Variants in GRM7 observed in about 807,000 individuals in gnomAD.
GRM7 encodes the protein glutamate metabotropic receptor 7, also known as metabotropic glutamate receptor 7.
A neutral mutation model predicts 84.5 loss-of-function variants in GRM7; 35 were observed. The ratio of observed to expected loss-of-function variants is 0.41; its 90% CI spans 0.32 to 0.55. The LOEUF (loss-of-function observed/expected upper bound fraction) is 0.55, where lower values mean the gene tolerates loss of function less well. Among genes scored for constraint, GRM7 ranks in the 20% least tolerant of loss-of-function variants. The probability of loss-of-function intolerance (pLI) is 0.19; values close to 1 mark genes in which losing one functional copy is unlikely to be tolerated. For missense variants in GRM7, 1,003 were observed against 1,194.6 expected (o/e 0.84, Z 2.36); for synonymous variants, 487 against 455.1 (o/e 1.07, Z -0.89).
chr3:6,932,800 G>A (rs1320190940), intron 1 of GRM7, among the ~76,000 whole-genome samples: 5 of 143,338 alleles, frequency 3.5e-5, no homozygotes, highest in Admixed American at 7.3e-5. Flanking sequence ...TGTCAGCCAG[G>A]CTGGAGTGCA....
chr3:6,878,420 A>AT (rs1410708191), intron 1 of GRM7, among the ~76,000 whole-genome samples: 3 of 108,836 alleles, frequency 2.8e-5, no homozygotes, highest in Admixed American at 1.8e-4. Context: ...TGTGTGTAGT[A>AT]TTTTTTCTTC....
intron 1 of GRM7, among the ~76,000 whole-genome samples, chr3:6,984,904 C>T (rs921022150): frequency 2.0e-5 from 3 of 152,146 alleles, no homozygotes; most frequent in Non-Finnish European, 2.9e-5. Flanking sequence ...GTGGGATATG[C>T]GTGTGCCAAA....
intron 5 of GRM7, among the ~76,000 whole-genome samples, chr3:7,416,723 A>G (rs1696175594): frequency 1.3e-5 from 2 of 152,180 alleles, no homozygotes; most frequent in Non-Finnish European, 2.9e-5. Context: ...ATCATGCTAT[A>G]TAACAATAGT....
At chr3:7,712,560 A>G (rs1701618217) in intron 9 of GRM7, among the ~76,000 whole-genome samples, 1 of 152,116 alleles carries the variant, frequency 6.6e-6, no homozygotes, top group Non-Finnish European at 1.5e-5. Flanking sequence ...TCACTTAATA[A>G]CAGGCCCCAC....
At chr3:7,507,850 A>C (rs1700083317) in intron 7 of GRM7, among the ~76,000 whole-genome samples, 1 of 152,116 alleles carries the variant, frequency 6.6e-6, no homozygotes, top group Non-Finnish European at 1.5e-5. Context: ...TTATGCCTTA[A>C]TGTGGTCTGA....
intron 4 of GRM7, among the ~76,000 whole-genome samples, chr3:7,345,430 C>T (rs551419190): frequency 9.5e-4 from 145 of 152,124 alleles, no homozygotes; most frequent in African/African-American, 3.3e-3. Flanking sequence ...CAGGCACCCG[C>T]CACCATGCCT....
At chr3:7,139,120 TTATAC>T (rs1191990717) in intron 1 of GRM7, among the ~76,000 whole-genome samples, 4 of 147,820 alleles carry the variant, frequency 2.7e-5, no homozygotes, top group African/African-American at 9.8e-5. Flanking sequence ...ATACTATATA[TTATAC>T]TATATAGATA....
At chr3:7,228,822 T>C (rs1253430267) in intron 2 of GRM7, among the ~76,000 whole-genome samples, 1 of 152,228 alleles carries the variant, frequency 6.6e-6, no homozygotes, top group Non-Finnish European at 1.5e-5. Context: ...TAAAATTGGT[T>C]CCTATATTTT....
intron 9 of GRM7, among the ~76,000 whole-genome samples, chr3:7,703,153 G>A (rs549418085): frequency 6.6e-6 from 1 of 152,210 alleles, no homozygotes; most frequent in South Asian, 2.1e-4. Context: ...GAACTGAGAA[G>A]CATTGCTGCA....
chr3:7,644,142 A>G lies in GRM7; in HGVS notation c.2452-35907A>G, dbSNP rs564037735. On this transcript the variant is annotated intron_variant, in intron 8 of 9. Transcript: ENST00000357716. Reference sequence around the variant, plus strand: ...ATGTTGTGTGTGTGTGTGTGTATATATATGTCTGTACGTATATATATATAT... The same window carrying G: ...ATGTTGTGTGTGTGTGTGTGTATATGTATGTCTGTACGTATATATATATAT... 2.7e-4 allele frequency among the ~76,000 whole-genome samples: 35 copies of G among 128,040 alleles called. 2 individuals carry two copies. In the South Asian group the frequency reaches 8.7e-3, roughly 32 times the overall value. The allele number at this position is 128,040 out of a possible 152,430, so 84.0% of individuals were successfully genotyped here.
At chr3:7,376,355 C>T (rs961739778) in intron 4 of GRM7, among the ~76,000 whole-genome samples, 8 of 152,120 alleles carry the variant, frequency 5.3e-5, no homozygotes, top group African/African-American at 1.9e-4. Context: ...ATCCTCACAC[C>T]GAGCTGTTCT....
At position 7,064,611 on chromosome 3, in the gene GRM7, G is replaced by A. The variant is rs900221852; in HGVS notation, c.520-81841G>A. ...CTCTCATTGATTGATGGGCATTTGC[G>A]TTGGTTCCAAGATTTTGCAATTGTG... On this transcript the variant is annotated intron_variant, in intron 1 of 9. Coordinates refer to ENST00000357716, the MANE Select transcript of GRM7 (RefSeq NM_000844.4). 6.7e-5 allele frequency among the ~76,000 whole-genome samples: 10 copies of A among 150,036 alleles called. 1 individual carries two copies. The highest frequency in any genetic ancestry group is 4.0e-4 in the East Asian group (2 of 5,062).
At chr3:7,599,229 T>A (rs895278974) in intron 8 of GRM7, among the ~76,000 whole-genome samples, 2 of 152,176 alleles carry the variant, frequency 1.3e-5, no homozygotes, top group Non-Finnish European at 2.9e-5. Flanking sequence ...GTTTCCATTA[T>A]TTTTAGTTCT....
rs1194294441 is a variant in GRM7 at position 7,006,606 on chromosome 3, A to G, written c.520-139846A>G. 2.6e-5 allele frequency among the ~76,000 whole-genome samples: 4 copies of G among 152,196 alleles called. No individual in the cohort carries two copies. The East Asian group carries it at 7.7e-4, about 29-fold the overall frequency. On this transcript the variant is annotated intron_variant, in intron 1 of 9. Transcript: ENST00000357716. The stretch of plus-strand genomic sequence containing the variant: ...ATCCTTTTTCTCCTTTCTTATGACT[A>G]TTATTCAGTGTGTAATTTTGCAGTA...
intron 2 of GRM7, among the ~76,000 whole-genome samples, chr3:7,189,430 G>C (rs1042697994): frequency 6.6e-6 from 1 of 151,978 alleles, no homozygotes; most frequent in Non-Finnish European, 1.5e-5. Flanking sequence ...TCTGGCTTTG[G>C]GTTTATAATG....
At chr3:6,960,242 C>A (rs1015519898) in intron 1 of GRM7, among the ~76,000 whole-genome samples, 2 of 152,116 alleles carry the variant, frequency 1.3e-5, no homozygotes, top group Non-Finnish European at 2.9e-5. Flanking sequence ...GTGCCTTCTT[C>A]TTTGTATTTC....
intron 8 of GRM7, among the ~76,000 whole-genome samples, chr3:7,631,289 G>A (rs1385713944): frequency 1.3e-5 from 2 of 152,138 alleles, no homozygotes; most frequent in South Asian, 4.1e-4. Context: ...GATTCCAACA[G>A]AGGGACACTT....
chr3:7,108,376 C>T (rs527734200), intron 1 of GRM7, among the ~76,000 whole-genome samples: 112 of 152,084 alleles, frequency 7.4e-4, no homozygotes, highest in Non-Finnish European at 1.4e-3. Flanking sequence ...TGGAATGGTA[C>T]CGATTTGTTA....
At chr3:7,514,306 T>A (rs1336400188) in intron 7 of GRM7, among the ~76,000 whole-genome samples, 1 of 152,234 alleles carries the variant, frequency 6.6e-6, no homozygotes, top group East Asian at 1.9e-4. Flanking sequence ...ACTTTCAGCA[T>A]AGATTGGCTT....
Sources: gnomAD v4.1 joint callset for allele counts (sites outside exome capture counted in the v4.1 genomes callset) on GRCh38, gnomAD v4.1.1 for gene constraint, MANE v1.5 for transcripts, NCBI Gene and HGNC (gene_info 2026-07-23, HGNC 2026-07-21) for gene names.